TMEM109: variants seen among roughly 807,000 people sequenced by gnomAD.
The protein encoded by TMEM109 is transmembrane protein 109.
Under a neutral mutation model 26.4 loss-of-function variants are expected in TMEM109, and 19 were observed. That is an observed-to-expected ratio of 0.72 (90% CI 0.50 to 1.06). The LOEUF (loss-of-function observed/expected upper bound fraction) is 1.06, where lower values mean the gene tolerates loss of function less well. TMEM109 is among the 50% of genes least tolerant of loss of function. The pLI, the probability that TMEM109 is intolerant of heterozygous loss-of-function variation, is 0.00. For synonymous variants in TMEM109, 129 were observed against 142.0 expected (o/e 0.91, Z 0.65); for missense variants, 262 against 303.4 (o/e 0.86, Z 1.01).
In TMEM109 at chr11:60,922,754, G is replaced by T. The variant is rs888226475; in HGVS notation, c.*589G>T. 6 of 197,532 alleles carry T rather than the reference G, an allele frequency of 3.0e-5. No homozygotes were observed. The highest frequency in any genetic ancestry group is 1.2e-4 in the African/African-American group (5 of 43,466). 12.2% of individuals were successfully genotyped at this position (197,532 alleles called of 1,614,324 possible). A position where few individuals can be genotyped will look rare whatever the true frequency, so the allele number is the denominator to read the frequency against. On this transcript the variant is annotated 3_prime_UTR_variant, in exon 4 of 4. Coordinates refer to ENST00000227525, the MANE Select transcript of TMEM109 (RefSeq NM_024092.3). The stretch of plus-strand genomic sequence containing the variant: ...ACAGGGTCCCCTGAGGCCTGTGGGG[G>T]CTGCAGGGGAGGAGGATGTACCTTG...
In TMEM109 at chr11:60,922,317, A is replaced by G. The variant is rs1271605130; in HGVS notation, c.*152A>G. The stretch of plus-strand genomic sequence containing the variant: ...GCCGCAGCCCCACTAGCCAAGAGAA[A>G]CAGAGAAAGACCATTCCCCCTGCCT... On this transcript the variant is annotated 3_prime_UTR_variant, in exon 4 of 4. Coordinates refer to ENST00000227525, the MANE Select transcript of TMEM109 (RefSeq NM_024092.3). 1 of 1,537,794 alleles carries G rather than the reference A, an allele frequency of 6.5e-7. No individual in the cohort carries two copies. Among genetic ancestry groups the G allele is most frequent in the Non-Finnish European group, 8.7e-7 (1 of 1,146,656 alleles).
intron 3 of TMEM109, 33 bp downstream of exon 3, chr11:60,921,021 G>A (rs748695532): frequency 2.5e-6 from 4 of 1,577,520 alleles, no homozygotes; most frequent in Non-Finnish European, 8.7e-7. Flanking sequence ...GTCAGCCAGA[G>A]CTTTGCCTGT....
chr11:60,920,832 A>G, intron 2 of TMEM109, 54 bp from the exon 3 acceptor site: 1 of 1,455,744 alleles, frequency 6.9e-7, no homozygotes, highest in Non-Finnish European at 9.6e-7. Flanking sequence ...TCAGGCGTGA[A>G]GGCGAGGACC....
rs1453858492 is a variant in TMEM109, at chr11:60,921,853, C to T, written c.420C>T (p.Val140=). 5.6e-6 allele frequency: 9 copies of T among 1,614,076 alleles called. No individual in the cohort carries two copies. Among genetic ancestry groups the T allele is most frequent in the African/African-American group, 1.3e-5 (1 of 74,940 alleles). The part of the protein sequence containing the change: ...TFLLWGAGAL[V]VYWLLSLLLG... ...TGCTGTGGGGAGCAGGGGCCCTGGT[C>T]GTCTACTGGCTGCTGTCTCTGCTCC... The change falls in exon 4 of 4, where the codon GTC becomes GTT. Residue 140 remains valine, a synonymous_variant. Transcript: ENST00000227525.
chr11:60,914,494 G>A (rs536005443), intron 1 of TMEM109, among the ~76,000 whole-genome samples: 28 of 152,332 alleles, frequency 1.8e-4, no homozygotes, highest in Middle Eastern at 3.4e-3. Flanking sequence ...GGAGAAGAGG[G>A]TTGCGGCGAG....
chr11:60,921,949 C>T lies in TMEM109; in HGVS notation c.516C>T (p.Phe172=), dbSNP rs1435503442. Residue 172 remains phenylalanine, a synonymous_variant, in exon 4 of 4, where the codon TTC becomes TTT. Coordinates refer to ENST00000227525, the MANE Select transcript of TMEM109 (RefSeq NM_024092.3). ...AGCTTGTCATCTTCCTGGCCGGCTT[C>T]GTGGCCCTGATGAGGTCGGTGCCTG... is the stretch of plus-strand genomic sequence containing the variant. ...GLKLVIFLAG[F]VALMRSVPDP... 17 of 1,613,924 alleles carry T rather than the reference C, an allele frequency of 1.1e-5. No individual in the cohort carries two copies. The highest frequency in any genetic ancestry group is 2.2e-5 in the East Asian group (1 of 44,890).
chr11:60,914,519 C>G (rs1349646246), intron 1 of TMEM109, among the ~76,000 whole-genome samples: 1 of 152,198 alleles, frequency 6.6e-6, no homozygotes, highest in Non-Finnish European at 1.5e-5. Context: ...CGAGGTCCGG[C>G]AGAGGTGGAG....
rs1303876468 is a variant in TMEM109 at position 60,919,798 on chromosome 11, C to T, written c.105C>T (p.Ser35=). The T allele has an allele frequency of 6.2e-7, 1 of 1,614,044 alleles. No homozygotes were observed. The highest frequency in any genetic ancestry group is 1.3e-5 in the African/African-American group (1 of 74,890). ...TCCTCCACTCAGCATTGGCCCAGTCCCGTCGAGACTTTGCACCACCAGGCC... is the reference window on the plus strand; with the variant it reads ...TCCTCCACTCAGCATTGGCCCAGTCTCGTCGAGACTTTGCACCACCAGGCC... ...LILLHSALAQ[S]RRDFAPPGQQ... The change falls in exon 2 of 4, where the codon TCC becomes TCT. Residue 35 remains serine (S), a synonymous_variant. Transcript: ENST00000227525.
intron 1 of TMEM109, among the ~76,000 whole-genome samples, chr11:60,916,127 A>C (rs752266667): frequency 1.3e-5 from 2 of 152,166 alleles, no homozygotes; most frequent in Non-Finnish European, 2.9e-5. Context: ...CAAAAAGGCA[A>C]GATTGAGATC....
At chr11:60,915,827 C>T (rs539461420) in intron 1 of TMEM109, among the ~76,000 whole-genome samples, 1 of 152,316 alleles carries the variant, frequency 6.6e-6, no homozygotes, top group South Asian at 2.1e-4. Flanking sequence ...TTCTCACTAA[C>T]ACAATAAGTA....
At chr11:60,917,783 A>G (rs1856189078) in intron 1 of TMEM109, among the ~76,000 whole-genome samples, 1 of 151,976 alleles carries the variant, frequency 6.6e-6, no homozygotes, top group South Asian at 2.1e-4. Flanking sequence ...AGCCTCCCAA[A>G]TAGCTGGGAG....
Position 60,921,991 on chromosome 11 carries a change from C to T in TMEM109, c.558C>T (p.Ala186=), listed in dbSNP as rs1226016511. Residue 186 remains alanine (A), a synonymous_variant, in exon 4 of 4, where the codon GCC becomes GCT. Transcript: ENST00000227525. The stretch of plus-strand genomic sequence containing the variant: ...CGGTGCCTGACCCTTCCACCCGGGC[C>T]CTGCTACTCCTGGCCTTGCTGATCC... The part of the protein sequence containing the change: ...MRSVPDPSTR[A]LLLLALLILY... 1 of 1,613,298 alleles carries T rather than the reference C, an allele frequency of 6.2e-7. No individual in the cohort carries two copies. Among genetic ancestry groups the T allele is most frequent in the East Asian group, 2.2e-5 (1 of 44,900 alleles).
chr11:60,921,010 A>G (rs1368191503), intron 3 of TMEM109, 22 bp downstream of exon 3: 5 of 1,598,798 alleles, frequency 3.1e-6, no homozygotes, highest in Non-Finnish European at 3.4e-6. Flanking sequence ...AGTGCTGGGT[A>G]GTCAGCCAGA....
At chr11:60,918,257 G>A (rs1444448333) in intron 1 of TMEM109, among the ~76,000 whole-genome samples, 3 of 152,096 alleles carry the variant, frequency 2.0e-5, no homozygotes, top group Admixed American at 6.6e-5. Context: ...CACTGTCCTC[G>A]TCCATTTTCT....
At position 60,922,333 on chromosome 11, in the gene TMEM109, C is replaced by T; in HGVS notation, c.*168C>T. ...CCAAGAGAAACAGAGAAAGACCATT[C>T]CCCCTGCCTGTCCTTGCGGCCCTGT... is the stretch of plus-strand genomic sequence containing the variant. On this transcript the variant is annotated 3_prime_UTR_variant, in exon 4 of 4. Coordinates refer to ENST00000227525, the MANE Select transcript of TMEM109 (RefSeq NM_024092.3). 1 of 1,536,340 alleles carries T rather than the reference C, an allele frequency of 6.5e-7. No individual in the cohort carries two copies. The highest frequency in any genetic ancestry group is 8.7e-7 in the Non-Finnish European group (1 of 1,146,516).
At chr11:60,918,234 T>C (rs1331784630) in intron 1 of TMEM109, among the ~76,000 whole-genome samples, 1 of 152,220 alleles carries the variant, frequency 6.6e-6, no homozygotes, top group East Asian at 1.9e-4. Flanking sequence ...AGGTTGTTCA[T>C]TATACCCTTG....
At chr11:60,920,854 T>C (rs1304302855) in intron 2 of TMEM109, 32 bp from the exon 3 acceptor site, 1 of 1,576,958 alleles carries the variant, frequency 6.3e-7, no homozygotes, top group Non-Finnish European at 8.7e-7. Context: ...TTGTTCATTA[T>C]GAACTCATCT....
intron 1 of TMEM109, 96 bp from the exon 2 acceptor site, chr11:60,919,590 T>TG (rs1239850007): frequency 3.9e-6 from 4 of 1,025,832 alleles, no homozygotes; most frequent in Non-Finnish European, 6.0e-6. Context: ...GGTGCTTGCT[T>TG]GGGGTAGGGG....
Position 60,919,769 on chromosome 11 carries a change from ATCC to A in TMEM109, c.83_85del (p.Leu28del), listed in dbSNP as rs1178882217. 6.2e-7 allele frequency: 1 copy of A among 1,614,044 alleles called. No homozygotes were observed. The highest frequency in any genetic ancestry group is 8.5e-7 in the Non-Finnish European group (1 of 1,180,050). On this transcript the variant is annotated inframe_deletion, in exon 2 of 4. Coordinates refer to ENST00000227525, the MANE Select transcript of TMEM109 (RefSeq NM_024092.3). ...CATTCTGATGGTCCTAGTGGCCCTT[ATCC>A]TCCTCCACTCAGCATTGGCCCAGTC... is the stretch of plus-strand genomic sequence containing the variant.
Sources: allele counts gnomAD v4.1 joint callset (sites outside exome capture counted in the v4.1 genomes callset), GRCh38; gene constraint gnomAD v4.1.1; transcripts MANE v1.5; gene names NCBI Gene and HGNC (gene_info 2026-07-23, HGNC 2026-07-21).